Variants in FGD5 observed in about 807,000 individuals in gnomAD.
FGD5 encodes FYVE, RhoGEF and PH domain-containing protein 5.
Under a neutral mutation model 133.4 loss-of-function variants are expected in FGD5, and 28 were observed. That is an observed-to-expected ratio of 0.21 (90% CI 0.16 to 0.29). The LOEUF is 0.29. FGD5 is among the 10% of genes least tolerant of loss of function. The pLI, the probability that FGD5 is intolerant of heterozygous loss-of-function variation, is 1.00. For synonymous variants in FGD5, 810 were observed against 776.5 expected, an observed-to-expected ratio of 1.04 and a Z score of -0.72; for missense variants, 1,858 against 1,895.2, an observed-to-expected ratio of 0.98 and a Z score of 0.36.
chr3:14,922,890 G>A lies in FGD5; in HGVS notation c.3808-156G>A, dbSNP rs2038713613. ...TGGCTCAGAAACAAGATGAAGCCTT[G>A]CCGGAAAAGTAGGGGACACGCACAG... On this transcript the variant is annotated intron_variant, in intron 15 of 19. Coordinates refer to ENST00000285046, the MANE Select transcript of FGD5 (RefSeq NM_152536.4). This position sits in a 1 kb window ranked among gnomAD's most constrained non-coding sequence, Gnocchi z 4.1. Among the ~76,000 whole-genome samples the A allele has an allele frequency of 6.6e-6, 1 of 152,132 alleles. No homozygotes were observed. Among genetic ancestry groups the A allele is most frequent in the Non-Finnish European group, 1.5e-5 (1 of 68,026 alleles).
chr3:14,840,364 C>G (rs537550088), intron 1 of FGD5, among the ~76,000 whole-genome samples: 1 of 152,058 alleles, frequency 6.6e-6, no homozygotes, highest in African/African-American at 2.4e-5. Flanking sequence ...AGGCTGGTCT[C>G]GAACTCCTGA....
Position 14,917,294 on chromosome 3 carries a change from T to C in FGD5, c.3451T>C (p.Tyr1151His). 1.2e-6 allele frequency: 2 copies of C among 1,613,762 alleles called. No individual in the cohort carries two copies. The highest frequency in any genetic ancestry group is 1.7e-6 in the Non-Finnish European group (2 of 1,179,818). Residue 1151 changes from tyrosine (Y) to histidine (H), a missense_variant, in exon 12 of 20, where the codon TAC becomes CAC. Transcript: ENST00000285046. This position sits in a 1 kb window ranked among gnomAD's most constrained non-coding sequence, Gnocchi z 4.1. The stretch of plus-strand genomic sequence containing the variant: ...CACCTATCCCCAGAAGGATGGGAAG[T>C]ACCGGCTGAAGAACACATTGGCTGT... The part of the protein sequence containing the change: ...LYTYPQKDGK[Y>H]RLKNTLAVAN...
At chr3:14,823,925 G>A (rs1372515730) in intron 1 of FGD5, among the ~76,000 whole-genome samples, 2 of 152,182 alleles carry the variant, frequency 1.3e-5, no homozygotes, top group African/African-American at 4.8e-5. Context: ...CTAAGACAAC[G>A]CTAAAGCTCC....
chr3:14,891,401 G>A (rs1237066442), intron 4 of FGD5, among the ~76,000 whole-genome samples: 1 of 152,224 alleles, frequency 6.6e-6, no homozygotes, highest in African/African-American at 2.4e-5. Context: ...GATAGCTCCT[G>A]TACAAGGACA....
At chr3:14,855,706 T>G (rs938255178) in intron 1 of FGD5, among the ~76,000 whole-genome samples, 3 of 152,090 alleles carry the variant, frequency 2.0e-5, no homozygotes, top group African/African-American at 4.8e-5. Context: ...TTAATCAGAT[T>G]GGGTTTTTGT....
In FGD5 at chr3:14,917,353, A is replaced by G; in HGVS notation, c.3489+21A>G. 6.2e-7 allele frequency: 1 copy of G among 1,605,062 alleles called. No individual in the cohort carries two copies. Among genetic ancestry groups the G allele is most frequent in the Non-Finnish European group, 8.5e-7 (1 of 1,175,732 alleles). ...TGAAGGTAAATATCTGGTGCCAGGT[A>G]CCCCCGGGTTGGGGGACAGGGAGAC... On this transcript the variant is annotated intron_variant, in intron 12 of 19. Coordinates refer to ENST00000285046, the MANE Select transcript of FGD5 (RefSeq NM_152536.4). This position sits in a 1 kb window ranked among gnomAD's most constrained non-coding sequence, Gnocchi z 4.1.
Position 14,922,483 on chromosome 3 carries a change from T to A in FGD5, c.3742T>A (p.Cys1248Ser). The A allele has an allele frequency of 6.3e-7, 1 of 1,581,748 alleles. No individual in the cohort carries two copies. Among genetic ancestry groups the A allele is most frequent in the South Asian group, 1.2e-5 (1 of 86,012 alleles). ...TLVPVTHVMM[C>S]MNCGCDFSLT... is the part of the protein sequence containing the mutation. ...GGTGCCTGTCACACACGTCATGATG[T>A]GCATGAACTGCGGCTGCGACTTCTC... Residue 1248 changes from cysteine (C) to serine (S), a missense_variant, in exon 15 of 20, where the codon TGC becomes AGC. By Grantham distance (112) the Cys-to-Ser change is moderately radical. Coordinates refer to ENST00000285046, the MANE Select transcript of FGD5 (RefSeq NM_152536.4). This position sits in a 1 kb window ranked among gnomAD's most constrained non-coding sequence, Gnocchi z 4.1.
chr3:14,897,786 C>T (rs943008965), intron 5 of FGD5, 117 bp downstream of exon 5: 26 of 1,452,504 alleles, frequency 1.8e-5, no homozygotes, highest in Middle Eastern at 2.3e-4. Context: ...AGCCGAACTC[C>T]GAAGTGTTAA....
At chr3:14,883,890 C>T (rs1053420789) in intron 4 of FGD5, among the ~76,000 whole-genome samples, 15 of 152,174 alleles carry the variant, frequency 9.9e-5, no homozygotes, top group Non-Finnish European at 1.2e-4. Flanking sequence ...GATGGACTCT[C>T]GGAGTTCACC....
rs2036498926 is a variant in FGD5, at chr3:14,821,393, T to C, written c.2322T>C (p.Tyr774=). 1 of 1,613,874 alleles carries C rather than the reference T, an allele frequency of 6.2e-7. No homozygotes were observed. Among genetic ancestry groups the C allele is most frequent in the South Asian group, 1.1e-5 (1 of 91,082 alleles). The change falls in exon 1 of 20, where the codon TAT becomes TAC. Residue 774 remains tyrosine, a synonymous_variant. Transcript: ENST00000285046. ...ISFPSADTSD[Y]ENIPAMNSDY... is the part of the protein sequence containing the mutation. ...TCCCCAGCGCTGACACTTCAGACTA[T>C]GAGAACATTCCAGCCATGAACTCGG...
chr3:14,811,014 C>T, intron 1 of FGD5: 2 of 670,130 alleles, frequency 3.0e-6, no homozygotes, highest in Non-Finnish European at 3.7e-6. Flanking sequence ...AAAGCATGCG[C>T]GGCTCCGGGG....
intron 1 of FGD5, among the ~76,000 whole-genome samples, chr3:14,853,636 C>CT (rs34008934): frequency 0.031 from 1,160 of 37,118 alleles, 94 homozygotes; most frequent in Non-Finnish European, 0.038. Context: ...AAAAGCGTTC[C>CT]TTTTTTTTTT....
chr3:14,915,279 G>C (rs141504294), intron 11 of FGD5, among the ~76,000 whole-genome samples: 1 of 152,340 alleles, frequency 6.6e-6, no homozygotes, highest in African/African-American at 2.4e-5. Context: ...CCTGAGAAGA[G>C]CTAGCTGTGG....
intron 2 of FGD5, among the ~76,000 whole-genome samples, chr3:14,871,215 T>G (rs2125110135): frequency 6.6e-6 from 1 of 152,370 alleles, no homozygotes; most frequent in South Asian, 2.1e-4. Context: ...GCCCATCGTT[T>G]GCCTTTCCCT....
intron 1 of FGD5, among the ~76,000 whole-genome samples, chr3:14,825,196 A>G (rs1236219590): frequency 6.6e-6 from 1 of 152,218 alleles, no homozygotes; most frequent in Non-Finnish European, 1.5e-5. Context: ...ATTTGCATAG[A>G]TAGTAGCATG....
rs2036498003 is a variant in FGD5, at chr3:14,821,370, C to T, written c.2299C>T (p.Pro767Ser). The change falls in exon 1 of 20, where the codon CCC becomes TCC. Residue 767 changes from proline to serine, a missense_variant. Pro to Ser is a moderately conservative substitution (Grantham distance 74). Transcript: ENST00000285046. ...PLTKPRSISFPSADTSDYENI... is the reference protein window; with the variant it reads ...PLTKPRSISFSSADTSDYENI... ...GACCAAGCCACGGTCCATCTCCTTC[C>T]CCAGCGCTGACACTTCAGACTATGA... 2 of 1,614,004 alleles carry T rather than the reference C, an allele frequency of 1.2e-6. No individual in the cohort carries two copies. Among genetic ancestry groups the T allele is most frequent in the Non-Finnish European group, 1.7e-6 (2 of 1,179,894 alleles).
At chr3:14,848,567 A>G (rs542275969) in intron 1 of FGD5, among the ~76,000 whole-genome samples, 34 of 152,330 alleles carry the variant, frequency 2.2e-4, no homozygotes, top group African/African-American at 7.0e-4. Context: ...CACTTATACC[A>G]CAAAAAGCTT....
At chr3:14,893,003 G>A (rs2038059387) in intron 4 of FGD5, among the ~76,000 whole-genome samples, 1 of 152,150 alleles carries the variant, frequency 6.6e-6, no homozygotes, top group Non-Finnish European at 1.5e-5. Flanking sequence ...CTGACCCTGG[G>A]ATTTTCCCAA....
chr3:14,876,056 C>G (rs920008690), intron 2 of FGD5, among the ~76,000 whole-genome samples: 1 of 152,130 alleles, frequency 6.6e-6, no homozygotes, highest in East Asian at 1.9e-4. Context: ...GAGGCCTGTA[C>G]GCAGAGAGGG....
Sources: gnomAD v4.1 joint callset for allele counts (sites outside exome capture counted in the v4.1 genomes callset) on GRCh38, gnomAD v4.1.1 for gene constraint, Gnocchi (gnomAD v3.1) non-coding constraint, MANE v1.5 for transcripts, NCBI Gene and HGNC (gene_info 2026-07-23, HGNC 2026-07-21) for gene names.